HSPA14: variants seen among roughly 807,000 people sequenced by gnomAD.
The protein encoded by HSPA14 is heat shock 70 kDa protein 14.
HSPA14 carries 37 observed loss-of-function variants against 65.5 expected under a neutral mutation model. That is an observed-to-expected ratio of 0.56 (90% CI 0.43 to 0.74). The LOEUF (loss-of-function observed/expected upper bound fraction) is 0.74. HSPA14 is among the 30% of genes least tolerant of loss of function. The pLI is 0.00. For missense variants in HSPA14, 564 were observed against 607.6 expected (o/e 0.93, Z 0.75); for synonymous variants, 203 against 214.2 (o/e 0.95, Z 0.46).
chr10:14,860,073 T>C (rs974233377), intron 10 of HSPA14, among the ~76,000 whole-genome samples: 1 of 152,260 alleles, frequency 6.6e-6, no homozygotes, highest in African/African-American at 2.4e-5. Flanking sequence ...TGCTGAGTGC[T>C]ATGGGATTAT....
At chr10:14,868,501 T>TCACACACA (rs112132864) in intron 12 of HSPA14, among the ~76,000 whole-genome samples, 2 of 147,402 alleles carry the variant, frequency 1.4e-5, no homozygotes, top group African/African-American at 5.0e-5. Context: ...GCAGTTGCAT[T>TCACACACA]CACACACACA....
chr10:14,856,023 A>G (rs1015532555), intron 10 of HSPA14, 80 bp downstream of exon 10: 14 of 774,298 alleles, frequency 1.8e-5, no homozygotes, highest in Non-Finnish European at 3.1e-5. Flanking sequence ...GGGTACTGAA[A>G]GAATATTTTA....
At chr10:14,848,949 C>T (rs1194313070) in intron 5 of HSPA14, 54 bp downstream of exon 5, 1 of 979,412 alleles carries the variant, frequency 1.0e-6, no homozygotes, top group Admixed American at 2.3e-5. Flanking sequence ...TGAAAGTTGA[C>T]CTTAAAAAAA....
chr10:14,850,019 CT>C (rs1348365619), intron 6 of HSPA14, among the ~76,000 whole-genome samples: 7 of 152,166 alleles, frequency 4.6e-5, no homozygotes, highest in African/African-American at 1.7e-4. Context: ...AATCCCAACA[CT>C]TTGGGACACT....
At position 14,838,415 on chromosome 10, in the gene HSPA14, G is replaced by A. The variant is rs1833919278; in HGVS notation, c.13G>A (p.Gly5Arg). The A allele has an allele frequency of 1.2e-6, 2 of 1,605,712 alleles. No individual in the cohort carries two copies. Among genetic ancestry groups the A allele is most frequent in the Non-Finnish European group, 1.7e-6 (2 of 1,178,226 alleles). Residue 5 changes from glycine to arginine, a missense_variant, in exon 1 of 14, where the codon GGA becomes AGA. Coordinates refer to ENST00000378372, the MANE Select transcript of HSPA14 (RefSeq NM_016299.4). ...TCCCTGCTGCCTCATGGCGGCCATC[G>A]GAGTTCACCTGGGCTGCACCTCAGC... MAAI[G>R]VHLGCTSACV...
At chr10:14,844,519 A>C (rs918796486) in intron 3 of HSPA14, 12 of 987,122 alleles carry the variant, frequency 1.2e-5, no homozygotes, top group Non-Finnish European at 1.4e-5. Flanking sequence ...TTGTACCTTA[A>C]TCTCTTACAT....
intron 11 of HSPA14, 122 bp downstream of exon 11, chr10:14,867,417 T>C (rs534891394): frequency 1.1e-5 from 7 of 662,292 alleles, no homozygotes; most frequent in South Asian, 4.2e-5. Flanking sequence ...AAACCTTGTA[T>C]ACTGACAGGT....
rs112714618 is a variant in HSPA14 at position 14,863,455 on chromosome 10, G to A, written c.994-3628G>A. The stretch of plus-strand genomic sequence containing the variant: ...ACTGATTATCAGTAGGTCCCAAGTC[G>A]TCTCTATGGGGAATCAGAGGCATAT... On this transcript the variant is annotated intron_variant, in intron 10 of 13. Coordinates refer to ENST00000378372, the MANE Select transcript of HSPA14 (RefSeq NM_016299.4). Among the ~76,000 whole-genome samples, 1,342 of 152,254 alleles carry A rather than the reference G, an allele frequency of 8.8e-3. 15 individuals are homozygous for A. The highest frequency in any genetic ancestry group is 0.03 in the African/African-American group (1,230 of 41,540).
At chr10:14,851,048 A>G in intron 6 of HSPA14, 171 bp from the exon 7 acceptor site, 2 of 558,282 alleles carry the variant, frequency 3.6e-6, no homozygotes, top group Non-Finnish European at 6.3e-6. Flanking sequence ...GTGATCTCTT[A>G]TAGTCATTCA....
At chr10:14,870,806 T>G in intron 13 of HSPA14, 139 bp downstream of exon 13, 2 of 785,548 alleles carry the variant, frequency 2.5e-6, no homozygotes, top group Non-Finnish European at 3.7e-6. Context: ...GAATTACATT[T>G]TTTGCCCCCA....
intron 10 of HSPA14, among the ~76,000 whole-genome samples, chr10:14,865,022 T>C (rs1832793081): frequency 6.6e-6 from 1 of 152,210 alleles, no homozygotes; most frequent in Non-Finnish European, 1.5e-5. Flanking sequence ...TTCTAACTGG[T>C]GTGAGATGGT....
Position 14,839,990 on chromosome 10 carries a change from T to G in HSPA14, c.138+5T>G. On this transcript the variant is annotated splice_donor_5th_base_variant and intron_variant, in intron 2 of 13. Transcript: ENST00000378372. Reference sequence around the variant, plus strand: ...GCTTACTCAGAAAATGAAGAGGTACTAGTCCCCCCATTTTTGTACTTCTGA... The same window carrying G: ...GCTTACTCAGAAAATGAAGAGGTACGAGTCCCCCCATTTTTGTACTTCTGA... 2 of 1,601,634 alleles carry G rather than the reference T, an allele frequency of 1.2e-6. No homozygotes were observed. The highest frequency in any genetic ancestry group is 1.7e-4 in the Middle Eastern group (1 of 6,022).
chr10:14,854,960 C>A (rs902500416), intron 9 of HSPA14, among the ~76,000 whole-genome samples: 1 of 152,198 alleles, frequency 6.6e-6, no homozygotes, highest in South Asian at 2.1e-4. Flanking sequence ...TGCTCCAGAT[C>A]TTTGAAGAAA....
At chr10:14,867,018 C>G in intron 10 of HSPA14, 65 bp from the exon 11 acceptor site, 1 of 1,165,816 alleles carries the variant, frequency 8.6e-7, no homozygotes, top group Non-Finnish European at 1.3e-6. Flanking sequence ...CAGTCTATTA[C>G]ACTTAATTTT....
At chr10:14,852,297 C>A in intron 7 of HSPA14, 73 bp from the exon 8 acceptor site, 1 of 1,229,416 alleles carries the variant, frequency 8.1e-7, no homozygotes, top group Non-Finnish European at 1.2e-6. Flanking sequence ...AGGGATTAAA[C>A]TAAGTGACTT....
At position 14,838,365 on chromosome 10, in the gene HSPA14, G is replaced by T. The variant is rs375015553; in HGVS notation, c.-38G>T. ...CGGCCGGTAGCTGTTGCTGTTGGGG[G>T]ACCCCCTCATTCCTGCCGCTGCCGT... On this transcript the variant is annotated 5_prime_UTR_variant, in exon 1 of 14. Transcript: ENST00000378372. The T allele has an allele frequency of 1.9e-6, 3 of 1,573,412 alleles. No homozygotes were observed. Among genetic ancestry groups the T allele is most frequent in the Non-Finnish European group, 2.6e-6 (3 of 1,161,922 alleles).
At position 14,849,781 on chromosome 10, in the gene HSPA14, A is replaced by C; in HGVS notation, c.437A>C (p.Asp146Ala). 6.2e-7 allele frequency: 1 copy of C among 1,613,380 alleles called. No homozygotes were observed. Among genetic ancestry groups the C allele is most frequent in the Non-Finnish European group, 8.5e-7 (1 of 1,179,598 alleles). The change falls in exon 6 of 14, where the codon GAT becomes GCT. Residue 146 changes from aspartate to alanine, a missense_variant. Asp to Ala is a moderately radical substitution (Grantham distance 126, BLOSUM62 -2). Coordinates refer to ENST00000378372, the MANE Select transcript of HSPA14 (RefSeq NM_016299.4). ...GATGTAGTTATTACTGTCCCGTTTG[A>C]TTTTGGAGAAAAGCAAAAAAATGCT... Reference protein sequence around the residue: ...ANDVVITVPFDFGEKQKNALG... With the variant: ...ANDVVITVPFAFGEKQKNALG...
intron 8 of HSPA14, among the ~76,000 whole-genome samples, chr10:14,853,811 C>T (rs1834125369): frequency 6.6e-6 from 1 of 152,146 alleles, no homozygotes; most frequent in Admixed American, 6.5e-5. Flanking sequence ...TCTCCACCTC[C>T]CAGGTTCAAG....
intron 3 of HSPA14, among the ~76,000 whole-genome samples, chr10:14,847,362 TTATC>T (rs1291004174): frequency 2.0e-5 from 3 of 152,224 alleles, no homozygotes; most frequent in African/African-American, 2.4e-5. Context: ...TGAGCACACT[TTATC>T]TATTTTTCCT....
Sources: allele counts gnomAD v4.1 joint callset (sites outside exome capture counted in the v4.1 genomes callset), GRCh38; gene constraint gnomAD v4.1.1; transcripts MANE v1.5; gene names NCBI Gene and HGNC (gene_info 2026-07-23, HGNC 2026-07-21).